CTNNA3: variants seen among roughly 807,000 people sequenced by gnomAD.
CTNNA3 encodes the protein catenin alpha 3, also known as catenin alpha-3.
A neutral mutation model predicts 95.7 loss-of-function variants in CTNNA3; 76 were observed. The observed-to-expected ratio is 0.79, with a 90% CI of 0.66 to 0.96. CTNNA3 has a LOEUF of 0.96. Among genes scored for constraint, CTNNA3 ranks in the 40% least tolerant of loss-of-function variants. The pLI is 0.00. For synonymous variants in CTNNA3, 431 were observed against 374.4 expected, an observed-to-expected ratio of 1.15 and a Z score of -1.74; for missense variants, 1,191 against 1,089.8, an observed-to-expected ratio of 1.09 and a Z score of -1.31.
At chr10:66,674,968 T>A (rs528437622) in intron 9 of CTNNA3, among the ~76,000 whole-genome samples, 35 of 152,042 alleles carry the variant, frequency 2.3e-4, no homozygotes, top group Non-Finnish European at 4.1e-4. Context: ...TGACACCAAG[T>A]GGAAGAAGCA....
At chr10:67,367,748 A>T (rs868293109) in intron 5 of CTNNA3, among the ~76,000 whole-genome samples, 1 of 152,208 alleles carries the variant, frequency 6.6e-6, no homozygotes, top group Non-Finnish European at 1.5e-5. Context: ...TGTTTTTTGC[A>T]CCAATATGGC....
chr10:67,169,866 T>G (rs1432782279), intron 7 of CTNNA3, among the ~76,000 whole-genome samples: 2 of 152,130 alleles, frequency 1.3e-5, no homozygotes, highest in South Asian at 2.1e-4. Flanking sequence ...AAACTATGCA[T>G]CTGACAAAGG....
chr10:66,752,809 A>G (rs531422209), intron 9 of CTNNA3, among the ~76,000 whole-genome samples: 93 of 152,134 alleles, frequency 6.1e-4, no homozygotes, highest in Non-Finnish European at 1.2e-3. Context: ...TTCTCAGATG[A>G]CATGATCTTG....
rs141528493 is a variant in CTNNA3 at position 66,663,470 on chromosome 10, C to CA, written c.1282-41687dup. Among the ~76,000 whole-genome samples the CA allele has an allele frequency of 1.6e-3, 221 of 137,452 alleles. 4 individuals are homozygous for CA. Among genetic ancestry groups the CA allele is most frequent in the African/African-American group, 1.5e-3 (59 of 38,702 alleles). The allele number at this position is 137,452 out of a possible 152,430, so 90.2% of individuals were successfully genotyped here. ...CACTTAAAAAGGTTTTTGCCTTTTA[C>CA]AAAAAAAAAAAAAAAAATCCTCACC... On this transcript the variant is annotated intron_variant, in intron 9 of 17. Coordinates refer to ENST00000433211, the MANE Select transcript of CTNNA3 (RefSeq NM_013266.4).
intron 13 of CTNNA3, among the ~76,000 whole-genome samples, chr10:66,193,760 T>A (rs2086800524): frequency 6.6e-6 from 1 of 152,154 alleles, no homozygotes; most frequent in Admixed American, 6.5e-5. Context: ...AGCAGATTTC[T>A]TTCTAAAAAG....
In CTNNA3 at chr10:65,915,753, C is replaced by A. The variant is rs73304083; in HGVS notation, c.*4577G>T. ...CTTTTAGAGTGTCCAGAAATGGATTCTATCTTGTCTGTTAGGGGGAAAATA... is the reference window on the plus strand; with the variant it reads ...CTTTTAGAGTGTCCAGAAATGGATTATATCTTGTCTGTTAGGGGGAAAATA... On this transcript the variant is annotated 3_prime_UTR_variant, in exon 18 of 18. Transcript: ENST00000433211. The A allele has an allele frequency of 9.6e-4, 146 of 152,240 alleles. 1 individual carries two copies. Among genetic ancestry groups the A allele is most frequent in the African/African-American group, 3.3e-3 (139 of 41,550 alleles). 9.4% of individuals were successfully genotyped at this position (152,240 alleles called of 1,614,324 possible). A position where few individuals can be genotyped will look rare whatever the true frequency, so the allele number is the denominator to read the frequency against.
chr10:67,108,891 G>T (rs7073570), intron 7 of CTNNA3, among the ~76,000 whole-genome samples: 84,440 of 151,880 alleles, frequency 0.56, 24,845 homozygotes, highest in African/African-American at 0.76. Flanking sequence ...CACAATCTTT[G>T]CAAATTAATC....
chr10:66,052,551 CA>C (rs2079980666), intron 15 of CTNNA3, among the ~76,000 whole-genome samples: 1 of 152,148 alleles, frequency 6.6e-6, no homozygotes, highest in Admixed American at 6.6e-5. Flanking sequence ...GTGTCTTAAG[CA>C]ATTACATTTC....
chr10:66,851,270 A>G (rs1026193959), intron 7 of CTNNA3, among the ~76,000 whole-genome samples: 1 of 152,136 alleles, frequency 6.6e-6, no homozygotes, highest in East Asian at 1.9e-4. Context: ...CTTTGAATGC[A>G]TCCATATCCA....
At chr10:66,738,704 C>T (rs1037380676) in intron 9 of CTNNA3, among the ~76,000 whole-genome samples, 1 of 151,986 alleles carries the variant, frequency 6.6e-6, no homozygotes, top group Non-Finnish European at 1.5e-5. Context: ...TCACTATTTC[C>T]CTGTGTACAT....
chr10:67,074,749 T>C (rs1366647831), intron 7 of CTNNA3, among the ~76,000 whole-genome samples: 1 of 151,400 alleles, frequency 6.6e-6, no homozygotes, highest in Non-Finnish European at 1.5e-5. Context: ...TTCTGTCTTA[T>C]GCCAGCTAAA....
At chr10:67,462,680 C>A (rs981417548) in intron 5 of CTNNA3, among the ~76,000 whole-genome samples, 7 of 152,070 alleles carry the variant, frequency 4.6e-5, no homozygotes, top group Admixed American at 2.0e-4. Context: ...AGAAACCACT[C>A]CTCTAACAAT....
At chr10:66,583,670 A>C (rs1315791243) in intron 10 of CTNNA3, among the ~76,000 whole-genome samples, 1 of 150,950 alleles carries the variant, frequency 6.6e-6, no homozygotes, top group Non-Finnish European at 1.5e-5. Context: ...TTTTTGTTTC[A>C]ATTTTATTTA....
intron 7 of CTNNA3, among the ~76,000 whole-genome samples, chr10:66,868,869 T>C (rs1263272461): frequency 6.6e-6 from 1 of 152,044 alleles, no homozygotes; most frequent in African/African-American, 2.4e-5. Context: ...TGCTAAAAGC[T>C]AAATAAAAGT....
intron 11 of CTNNA3, among the ~76,000 whole-genome samples, chr10:66,493,866 A>C (rs1391878660): frequency 1.3e-5 from 2 of 148,910 alleles, no homozygotes; most frequent in African/African-American, 5.0e-5. Flanking sequence ...CAGCCTCCCA[A>C]AGTGCTGGGA....
rs866894854 is a variant in CTNNA3 at position 66,280,492 on chromosome 10, C to A, written c.1862G>T (p.Arg621Ile). ...KKIYDTIHDIRCSVMMIRTPE... is the reference protein window; with the variant it reads ...KKIYDTIHDIICSVMMIRTPE... ...TACCCGAATCATCATGACTGAACATCTGATATCATGAATTGTATCATAGAT... is the reference window on the plus strand; with the variant it reads ...TACCCGAATCATCATGACTGAACATATGATATCATGAATTGTATCATAGAT... The change falls in exon 13 of 18, where the codon AGA becomes ATA. Residue 621 changes from arginine (R) to isoleucine (I), a missense_variant. By Grantham distance (97) the Arg-to-Ile change is moderately conservative. Transcript: ENST00000433211. The A allele has an allele frequency of 6.2e-7, 1 of 1,605,880 alleles. No homozygotes were observed. Among genetic ancestry groups the A allele is most frequent in the South Asian group, 1.1e-5 (1 of 89,880 alleles).
In CTNNA3 at chr10:66,110,990, T is replaced by C. The variant is rs114835756; in HGVS notation, c.1885-7741A>G. On this transcript the variant is annotated intron_variant, in intron 13 of 17. Coordinates refer to ENST00000433211, the MANE Select transcript of CTNNA3 (RefSeq NM_013266.4). ...AAATATTTGTGTATCTAAACATATT[T>C]AAACATAGAAAAGGTAAGGTGTTGT... Among the ~76,000 whole-genome samples the C allele has an allele frequency of 9.9e-3, 1,508 of 152,288 alleles. 37 individuals carry two copies. The highest frequency in any genetic ancestry group is 0.035 in the African/African-American group (1,441 of 41,560).
intron 11 of CTNNA3, among the ~76,000 whole-genome samples, chr10:66,382,224 C>A (rs1475305763): frequency 1.3e-5 from 2 of 152,146 alleles, no homozygotes; most frequent in African/African-American, 2.4e-5. Context: ...GCACTCCCTG[C>A]CCAAATACTG....
chr10:65,920,404 T>A lies in CTNNA3; in HGVS notation c.2614A>T (p.Arg872Ter). 6.2e-7 allele frequency: 1 copy of A among 1,614,216 alleles called. No individual in the cohort carries two copies. Among genetic ancestry groups the A allele is most frequent in the Non-Finnish European group, 8.5e-7 (1 of 1,180,022 alleles). Residue 872 changes from arginine to a stop codon, truncating the protein, a stop_gained, in exon 18 of 18, where the codon AGA (arginine) becomes TGA (stop). Coordinates refer to ENST00000433211, the MANE Select transcript of CTNNA3 (RefSeq NM_013266.4). LOFTEE classifies it high-confidence loss of function. ...ATTTTTTTCTTTGCTGAGCCTCGTC[T>A]GACAGCTGCACACGTTTCCTCTGGC... The part of the protein sequence containing the change: ...EKPEETCAAV[R>*]RGSAKKKIHP...
Sources: allele counts gnomAD v4.1 joint callset (sites outside exome capture counted in the v4.1 genomes callset), GRCh38; gene constraint gnomAD v4.1.1; transcripts MANE v1.5; gene names NCBI Gene and HGNC (gene_info 2026-07-23, HGNC 2026-07-21).